The following PHKB variants were observed in gnomAD, a reference collection of about 807,000 sequenced individuals.
PHKB encodes the protein phosphorylase kinase regulatory subunit beta.
PHKB carries 122 observed loss-of-function variants against 152.1 expected under a neutral mutation model. The observed-to-expected ratio is 0.80, with a 90% CI of 0.69 to 0.93. The LOEUF (loss-of-function observed/expected upper bound fraction) is 0.93. Ranked by LOEUF, PHKB falls within the 40% of genes least tolerant of loss-of-function variation. The pLI, the probability that PHKB is intolerant of heterozygous loss-of-function variation, is 0.00. For missense variants in PHKB, 1,304 were observed against 1,328.4 expected (o/e 0.98, Z 0.29); for synonymous variants, 436 against 464.9 (o/e 0.94, Z 0.80).
At chr16:47,511,916 C>T (rs1970517272) in intron 5 of PHKB, 144 bp downstream of exon 5, 1 of 673,394 alleles carries the variant, frequency 1.5e-6, no homozygotes, top group East Asian at 2.7e-5. Context: ...TGGGATGAAA[C>T]CGTTCCATCT....
At chr16:47,530,950 C>T (rs1970851813) in intron 6 of PHKB, among the ~76,000 whole-genome samples, 1 of 152,138 alleles carries the variant, frequency 6.6e-6, no homozygotes, top group South Asian at 2.1e-4. Context: ...TTGAGAAACT[C>T]ATCCTAAAAT....
intron 8 of PHKB, among the ~76,000 whole-genome samples, chr16:47,581,860 A>G (rs1971853009): frequency 6.6e-6 from 1 of 151,868 alleles, no homozygotes; most frequent in African/African-American, 2.4e-5. Flanking sequence ...TTGTATTTTT[A>G]GTTGAGACGG....
chr16:47,646,554 T>TA (rs1973129285), intron 16 of PHKB, among the ~76,000 whole-genome samples: 1 of 101,492 alleles, frequency 9.9e-6, no homozygotes, highest in African/African-American at 4.1e-5. Flanking sequence ...ACATTAAAAA[T>TA]AAAAAATAAA....
At chr16:47,696,127 T>A (rs962341274) in intron 28 of PHKB, among the ~76,000 whole-genome samples, 1 of 150,276 alleles carries the variant, frequency 6.7e-6, no homozygotes, top group African/African-American at 2.5e-5. Flanking sequence ...AGTGGCCTTC[T>A]AACATAGTCC....
chr16:47,654,248 A>T (rs980914178), intron 20 of PHKB, among the ~76,000 whole-genome samples: 3 of 152,164 alleles, frequency 2.0e-5, no homozygotes, highest in African/African-American at 7.2e-5. Context: ...AAAACCACAA[A>T]GAGATACCAT....
rs546128111 is a variant in PHKB, at chr16:47,565,407, T to C, written c.711-14888T>C. 6.8e-5 allele frequency: 82 copies of C among 1,200,160 alleles called. No individual in the cohort carries two copies. In the South Asian group the frequency reaches 9.1e-4, roughly 13 times the overall value. 74.3% of individuals were successfully genotyped at this position (1,200,160 alleles called of 1,614,324 possible). ...ACTTTTCCCCCACCACTTGTAGGGA[T>C]TGCTGCTCTGTATCTGAGCTCTGTG... On this transcript the variant is annotated intron_variant, in intron 7 of 30. Coordinates refer to ENST00000323584, the MANE Select transcript of PHKB (RefSeq NM_000293.3).
chr16:47,674,510 A>G (rs1234189928), intron 26 of PHKB, among the ~76,000 whole-genome samples: 1 of 152,210 alleles, frequency 6.6e-6, no homozygotes, highest in Non-Finnish European at 1.5e-5. Context: ...CCTCTGGCAA[A>G]TACAGAGCCT....
chr16:47,600,019 A>G (rs1972193786), intron 13 of PHKB, among the ~76,000 whole-genome samples: 1 of 152,206 alleles, frequency 6.6e-6, no homozygotes, highest in Admixed American at 6.5e-5. Flanking sequence ...TTTTGTGGAC[A>G]GCTAATTGTG....
At chr16:47,508,696 G>A (rs1252726951) in intron 4 of PHKB, among the ~76,000 whole-genome samples, 1 of 152,096 alleles carries the variant, frequency 6.6e-6, no homozygotes, top group Non-Finnish European at 1.5e-5. Flanking sequence ...ATTTATTTTA[G>A]TCTAGAAACT....
rs1480344280 is a variant in PHKB at position 47,698,471 on chromosome 16, A to G, written c.3027A>G (p.Val1009=). ...VVELLMVVSI[V]LERNPELEFQ... is the part of the protein sequence containing the mutation. ...AGTTACTTATGGTTGTATCCATTGT[A>G]CTGGAAAGAAACCCCGAGCTAGAAT... is the stretch of plus-strand genomic sequence containing the variant. The change falls in exon 30 of 31, where the codon GTA becomes GTG. Residue 1009 remains valine, a synonymous_variant. Transcript: ENST00000323584. 1.9e-6 allele frequency: 3 copies of G among 1,610,914 alleles called. No individual in the cohort carries two copies. In the South Asian group the frequency reaches 3.3e-5, roughly 18 times the overall value.
chr16:47,489,459 T>C (rs1970108506), intron 1 of PHKB, among the ~76,000 whole-genome samples: 1 of 152,248 alleles, frequency 6.6e-6, no homozygotes, highest in African/African-American at 2.4e-5. Context: ...CCTGACTATT[T>C]GCATAAAGTA....
At chr16:47,657,032 G>A (rs1175037065) in intron 20 of PHKB, among the ~76,000 whole-genome samples, 1 of 152,056 alleles carries the variant, frequency 6.6e-6, no homozygotes, top group Non-Finnish European at 1.5e-5. Flanking sequence ...TTAGGTGACT[G>A]TTTCCTCTTT....
intron 6 of PHKB, among the ~76,000 whole-genome samples, chr16:47,545,260 C>CT (rs1172625187): frequency 1.3e-5 from 2 of 152,130 alleles, no homozygotes; most frequent in African/African-American, 4.8e-5. Context: ...TTAGTGCTTC[C>CT]TTCAGGAGCT....
At chr16:47,559,180 GT>G (rs1971434338) in intron 7 of PHKB, among the ~76,000 whole-genome samples, 1 of 152,140 alleles carries the variant, frequency 6.6e-6, no homozygotes, top group Non-Finnish European at 1.5e-5. Flanking sequence ...AACAATGAAT[GT>G]TTTTACACAA....
At chr16:47,588,484 G>A (rs1018722273) in intron 9 of PHKB, among the ~76,000 whole-genome samples, 4 of 152,026 alleles carry the variant, frequency 2.6e-5, no homozygotes, top group Non-Finnish European at 5.9e-5. Context: ...CTAGCTCTGT[G>A]AATGGATATT....
chr16:47,519,031 T>C (rs948809732), intron 6 of PHKB, among the ~76,000 whole-genome samples: 1 of 152,236 alleles, frequency 6.6e-6, no homozygotes, highest in African/African-American at 2.4e-5. Flanking sequence ...TTTTGTTTTG[T>C]GTTTGAGATA....
intron 28 of PHKB, among the ~76,000 whole-genome samples, chr16:47,695,829 G>A (rs1485369743): frequency 6.6e-6 from 1 of 152,206 alleles, no homozygotes; most frequent in South Asian, 2.1e-4. Context: ...AAACTACACA[G>A]TATTCTTGTT....
At chr16:47,630,039 A>AG (rs1352644936) in intron 14 of PHKB, among the ~76,000 whole-genome samples, 2 of 84,464 alleles carry the variant, frequency 2.4e-5, no homozygotes, top group South Asian at 3.8e-4. Flanking sequence ...TCGGGGGAGG[A>AG]GGGGGGGATG....
intron 5 of PHKB, among the ~76,000 whole-genome samples, chr16:47,513,649 A>AT (rs1970547301): frequency 6.6e-6 from 1 of 152,072 alleles, no homozygotes; most frequent in African/African-American, 2.4e-5. Flanking sequence ...TTTCCCATCT[A>AT]TTACTCAGTT....
Sources: gnomAD v4.1 joint callset for allele counts (sites outside exome capture counted in the v4.1 genomes callset) on GRCh38, gnomAD v4.1.1 for gene constraint, MANE v1.5 for transcripts, NCBI Gene and HGNC (gene_info 2026-07-23, HGNC 2026-07-21) for gene names.